The following STARD13 variants were observed in gnomAD, a reference collection of about 807,000 sequenced individuals.
The protein encoded by STARD13 is stAR-related lipid transfer protein 13.
In STARD13, 62 loss-of-function variants were observed where a neutral mutation model predicts 106.4. The observed-to-expected ratio is 0.58, with a 90% CI of 0.48 to 0.72. The LOEUF is 0.72. Among genes scored for constraint, STARD13 ranks in the 30% least tolerant of loss-of-function variants. The pLI, the probability that STARD13 is intolerant of heterozygous loss-of-function variation, is 0.00. For missense variants in STARD13, 1,387 were observed against 1,424.0 expected, an observed-to-expected ratio of 0.97 and a Z score of 0.42; for synonymous variants, 565 against 553.0, an observed-to-expected ratio of 1.02 and a Z score of -0.31.
the STARD13 span, among the ~76,000 whole-genome samples, chr13:33,608,794 A>C: frequency 2.0e-5 from 3 of 152,200 alleles, no homozygotes; most frequent in Non-Finnish European, 4.4e-5. Context: ...AAAGGATGAA[A>C]TATTGATACA....
intron 2 of STARD13, among the ~76,000 whole-genome samples, chr13:33,166,877 C>T: frequency 6.6e-6 from 1 of 151,894 alleles, no homozygotes; most frequent in Admixed American, 6.6e-5. Context: ...CGCCTGTAAT[C>T]TCAACTACTT....
At chr13:33,516,591 T>C in the STARD13 span, among the ~76,000 whole-genome samples, 3 of 152,114 alleles carry the variant, frequency 2.0e-5, no homozygotes, top group African/African-American at 7.2e-5. Flanking sequence ...AGATTATCTT[T>C]TTATTGGTTA....
the STARD13 span, among the ~76,000 whole-genome samples, chr13:33,377,394 CT>C: frequency 1.3e-5 from 2 of 152,152 alleles, no homozygotes; most frequent in Non-Finnish European, 2.9e-5. Context: ...ATGTGTGTGA[CT>C]TTAATGATAC....
chr13:33,659,236 T>TTTTTA, the STARD13 span, among the ~76,000 whole-genome samples: 111,667 of 138,128 alleles, frequency 0.81, 47,017 homozygotes, highest in Non-Finnish European at 0.92. Flanking sequence ...TTTTTTTTTT[T>TTTTTA]ATGAAGTCTT....
chr13:33,112,990 A>C, intron 8 of STARD13, 59 bp from the exon 9 acceptor site: 1 of 1,357,858 alleles, frequency 7.4e-7, no homozygotes, highest in Non-Finnish European at 1.0e-6. Context: ...GCCAGCTGGG[A>C]AGCACTGTGT....
chr13:33,136,195 A>G (rs1159118513), intron 4 of STARD13, among the ~76,000 whole-genome samples: 1 of 152,212 alleles, frequency 6.6e-6, no homozygotes, highest in Non-Finnish European at 1.5e-5. Context: ...TAGGCATTTA[A>G]TTTGAGGGAT....
the STARD13 span, among the ~76,000 whole-genome samples, chr13:33,384,120 G>A: frequency 6.6e-6 from 1 of 152,204 alleles, no homozygotes; most frequent in Admixed American, 6.5e-5. Flanking sequence ...CTACAGCAAA[G>A]ATAACTAAGG....
chr13:33,355,480 A>G (rs981894321), upstream of STARD13: 1 of 152,190 alleles, frequency 6.6e-6, no homozygotes, highest in African/African-American at 2.4e-5. Flanking sequence ...ATGGTGCATT[A>G]TTTCATGTTG....
At chr13:33,180,224 T>C (rs534915143) in intron 1 of STARD13, among the ~76,000 whole-genome samples, 2 of 152,340 alleles carry the variant, frequency 1.3e-5, no homozygotes, top group South Asian at 4.1e-4. Context: ...TTCAGAAATA[T>C]GACACCTTAG....
chr13:33,382,102 C>T, the STARD13 span, among the ~76,000 whole-genome samples: 7 of 152,228 alleles, frequency 4.6e-5, no homozygotes, highest in Non-Finnish European at 1.0e-4. Context: ...ATAAACGAAG[C>T]ATGGCATACC....
intron 2 of STARD13, among the ~76,000 whole-genome samples, chr13:33,166,408 C>G (rs1883317705): frequency 6.6e-6 from 1 of 152,074 alleles, no homozygotes; most frequent in Non-Finnish European, 1.5e-5. Context: ...CTCTGGCACT[C>G]TCTTCCTTGG....
chr13:33,456,549 T>C, the STARD13 span, among the ~76,000 whole-genome samples: 1 of 152,176 alleles, frequency 6.6e-6, no homozygotes, highest in East Asian at 1.9e-4. Context: ...GCAGTGTTGT[T>C]TTCTCCTCAG....
chr13:33,285,380 G>T, intron 1 of STARD13, 90 bp downstream of exon 1: 1 of 1,373,038 alleles, frequency 7.3e-7, no homozygotes, highest in Non-Finnish European at 1.0e-6. Context: ...TTATAAAGTG[G>T]AAACAAACAA....
At chr13:33,106,971 G>A (rs368918303) in intron 12 of STARD13, 37 bp from the exon 13 acceptor site, 14 of 1,575,610 alleles carry the variant, frequency 8.9e-6, no homozygotes, top group Non-Finnish European at 1.2e-5. Flanking sequence ...AGTCATGACT[G>A]AGGGAGGAAG....
chr13:33,368,192 G>A, the STARD13 span, among the ~76,000 whole-genome samples: 2 of 152,066 alleles, frequency 1.3e-5, no homozygotes, highest in Non-Finnish European at 2.9e-5. Context: ...AATGTGTCCC[G>A]AGCTAGGTCA....
At chr13:33,196,044 AATGTT>A (rs1364706234) in intron 1 of STARD13, among the ~76,000 whole-genome samples, 1 of 152,230 alleles carries the variant, frequency 6.6e-6, no homozygotes, top group African/African-American at 2.4e-5. Flanking sequence ...TTATATGAGA[AATGTT>A]ATCTGTGTTT....
At chr13:33,542,189 C>G in the STARD13 span, among the ~76,000 whole-genome samples, 1,343 of 152,264 alleles carry the variant, frequency 8.8e-3, 21 homozygotes, top group African/African-American at 0.031. Context: ...TTCCTTGTGA[C>G]ACCCCTACCT....
chr13:33,347,042 C>A (rs1438334848), downstream of STARD13, among the ~76,000 whole-genome samples: 1 of 152,172 alleles, frequency 6.6e-6, no homozygotes, highest in Non-Finnish European at 1.5e-5. Context: ...ACTAAGCTTA[C>A]TTGATAAAAA....
chr13:33,647,902 TATACAATTAAATA>T, the STARD13 span, among the ~76,000 whole-genome samples: 2 of 152,116 alleles, frequency 1.3e-5, no homozygotes, highest in African/African-American at 4.8e-5. Flanking sequence ...ATTAAATAAA[TATACAATTAAATA>T]ATCAGGTATT....
Sources: allele counts gnomAD v4.1 joint callset (sites outside exome capture counted in the v4.1 genomes callset), GRCh38; gene constraint gnomAD v4.1.1; transcripts MANE v1.5; gene names NCBI Gene and HGNC (gene_info 2026-07-23, HGNC 2026-07-21).